The following TBXAS1 variants were observed in gnomAD, a reference collection of about 807,000 sequenced individuals.
TBXAS1 encodes the protein thromboxane-A synthase.
In TBXAS1, 48 loss-of-function variants were observed where a neutral mutation model predicts 60.7. The ratio of observed to expected loss-of-function variants is 0.79; its 90% CI spans 0.63 to 1.01. The LOEUF is 1.01. Among genes scored for constraint, TBXAS1 ranks in the 50% least tolerant of loss-of-function variants. TBXAS1 has a pLI of 0.00. For missense variants in TBXAS1, 685 were observed against 686.3 expected (o/e 1.00, Z 0.02); for synonymous variants, 287 against 269.7 (o/e 1.06, Z -0.63).
chr7:139,951,952 A>G (rs1809390510), intron 5 of TBXAS1, among the ~76,000 whole-genome samples: 1 of 66,188 alleles, frequency 1.5e-5, no homozygotes, highest in Non-Finnish European at 3.0e-5. Context: ...AAAGAAAGAA[A>G]AGAAAGAAAG....
chr7:139,895,517 A>G (rs745635139), intron 3 of TBXAS1, among the ~76,000 whole-genome samples: 13 of 152,198 alleles, frequency 8.5e-5, no homozygotes, highest in African/African-American at 1.2e-4. Flanking sequence ...CGGCCACTGG[A>G]TGTGGGCTTT....
intron 1 of TBXAS1, among the ~76,000 whole-genome samples, chr7:139,872,017 C>T (rs1170260100): frequency 6.6e-6 from 1 of 152,186 alleles, no homozygotes; most frequent in African/African-American, 2.4e-5. Flanking sequence ...TTTCAGGATT[C>T]GTTGATCTCC....
rs1161858701 is a variant in TBXAS1, at chr7:139,999,772, T to C, written c.1135-7319T>C. The stretch of plus-strand genomic sequence containing the variant: ...GCATCACTTGGCCTACTTCTTAGTA[T>C]AAGACCAAGTCTAGTGACAGCTGGG... On this transcript the variant is annotated intron_variant, in intron 9 of 12. Transcript: ENST00000448866. This position sits in a 1 kb window ranked among gnomAD's most constrained non-coding sequence, Gnocchi z 4.3. 2.6e-5 allele frequency among the ~76,000 whole-genome samples: 4 copies of C among 152,210 alleles called. No homozygotes were observed. The highest frequency in any genetic ancestry group is 9.6e-5 in the African/African-American group (4 of 41,452).
intron 4 of TBXAS1, among the ~76,000 whole-genome samples, chr7:139,917,837 AT>A (rs1189661010): frequency 6.6e-6 from 1 of 152,122 alleles, no homozygotes; most frequent in Non-Finnish European, 1.5e-5. Context: ...ATCTTTATAT[AT>A]TTTTTTAACA....
At chr7:139,809,012 T>A (rs920195807) in intron 4 of TBXAS1, among the ~76,000 whole-genome samples, 2 of 149,040 alleles carry the variant, frequency 1.3e-5, no homozygotes, top group Non-Finnish European at 3.0e-5. Context: ...GTTGATTGGG[T>A]AAACTCACCA....
intron 4 of TBXAS1, among the ~76,000 whole-genome samples, chr7:139,804,733 A>C (rs543750511): frequency 6.6e-6 from 1 of 152,140 alleles, no homozygotes; most frequent in Non-Finnish European, 1.5e-5. Context: ...GTTCCCCTAC[A>C]TATACTCACT....
chr7:139,810,993 T>C (rs537953285), intron 4 of TBXAS1, among the ~76,000 whole-genome samples: 15 of 152,322 alleles, frequency 9.8e-5, no homozygotes, highest in African/African-American at 3.6e-4. Context: ...GATTTTATTC[T>C]CTCCCTAAAG....
chr7:139,930,076 C>T (rs186422614), intron 4 of TBXAS1, among the ~76,000 whole-genome samples: 2 of 152,138 alleles, frequency 1.3e-5, no homozygotes, highest in Admixed American at 6.5e-5. Flanking sequence ...CCTCCAGCCG[C>T]GCCACATCCT....
Position 139,962,079 on chromosome 7 carries a change from C to T in TBXAS1, c.980C>T (p.Thr327Ile). The T allele has an allele frequency of 1.2e-6, 2 of 1,614,250 alleles. No individual in the cohort carries two copies. The highest frequency in any genetic ancestry group is 1.7e-6 in the Non-Finnish European group (2 of 1,180,028). Reference protein sequence around the residue: ...HQPSPMARPLTVDEIVGQAFI... With the variant: ...HQPSPMARPLIVDEIVGQAFI... ...CCCAGCCCTATGGCCAGGCCTTTGA[C>T]TGTGGATGAGATTGTGGGCCAGGCC... The change falls in exon 9 of 13, where the codon ACT becomes ATT. Residue 327 changes from threonine (T) to isoleucine (I), a missense_variant. Thr to Ile is a moderately conservative substitution (Grantham distance 89, BLOSUM62 -1). Transcript: ENST00000448866.
chr7:139,878,865 A>T (rs957250737), intron 3 of TBXAS1, among the ~76,000 whole-genome samples: 11 of 152,198 alleles, frequency 7.2e-5, no homozygotes, highest in African/African-American at 2.7e-4. Flanking sequence ...TCATTATTTG[A>T]CAAGTGAAAT....
rs1218261474 is a variant in TBXAS1 at position 139,905,045 on chromosome 7, TTCTTTCTTTCTTTC to T, written c.237-6176_237-6163del. On this transcript the variant is annotated intron_variant, in intron 3 of 12. Coordinates refer to ENST00000448866, the MANE Select transcript of TBXAS1 (RefSeq NM_001061.7). ...TTTCTTTCTTTCTTTCTTTCTTTCT[TTCTTTCTTTCTTTC>T]TCTCTCTCTCTCTCTCTTTCTCTTT... is the stretch of plus-strand genomic sequence containing the variant. 2.1e-4 allele frequency among the ~76,000 whole-genome samples: 19 copies of T among 88,438 alleles called. No homozygotes were observed. In the South Asian group the frequency reaches 2.9e-3, roughly 14 times the overall value. The allele number at this position is 88,438 out of a possible 152,430, so 58.0% of individuals were successfully genotyped here. A position where few individuals can be genotyped will look rare whatever the true frequency, so the allele number is the denominator to read the frequency against.
intron 3 of TBXAS1, among the ~76,000 whole-genome samples, chr7:139,878,483 CCTATAAAG>C (rs894532428): frequency 6.6e-5 from 10 of 152,120 alleles, no homozygotes; most frequent in Admixed American, 5.9e-4. Context: ...ATAATTTCTT[CCTATAAAG>C]CTATCAACTT....
At chr7:139,865,887 G>GAAGA (rs1801381788) in intron 1 of TBXAS1, among the ~76,000 whole-genome samples, 1 of 129,160 alleles carries the variant, frequency 7.7e-6, no homozygotes, top group Non-Finnish European at 1.6e-5. Flanking sequence ...GGGAGGGAAG[G>GAAGA]AGGAAGGAGG....
intron 4 of TBXAS1, among the ~76,000 whole-genome samples, chr7:139,807,300 GGGC>G (rs1797902226): frequency 6.6e-6 from 1 of 152,066 alleles, no homozygotes; most frequent in Non-Finnish European, 1.5e-5. Flanking sequence ...TTGAATTCCT[GGGC>G]TCAAGTGATC....
chr7:139,886,931 T>G (rs574916480), intron 3 of TBXAS1, among the ~76,000 whole-genome samples: 2 of 152,316 alleles, frequency 1.3e-5, no homozygotes, highest in South Asian at 4.1e-4. Context: ...GCAAGAAGCC[T>G]CAGCTCTTTG....
At chr7:139,996,701 CAG>C (rs1778665578) in intron 9 of TBXAS1, among the ~76,000 whole-genome samples, 1 of 152,224 alleles carries the variant, frequency 6.6e-6, no homozygotes, top group South Asian at 2.1e-4. Context: ...TCCTTTATGA[CAG>C]TGATTCTGAA....
chr7:139,806,899 T>G (rs1797892253), intron 4 of TBXAS1, among the ~76,000 whole-genome samples: 1 of 152,216 alleles, frequency 6.6e-6, no homozygotes, highest in Non-Finnish European at 1.5e-5. Context: ...TCAGCCCAGA[T>G]GTCTCCCAAA....
intron 4 of TBXAS1, among the ~76,000 whole-genome samples, chr7:139,815,545 G>A (rs1798124730): frequency 8.5e-5 from 13 of 152,190 alleles, no homozygotes; most frequent in Admixed American, 7.9e-4. Flanking sequence ...TCTCTATGAT[G>A]TAATTATGTG....
chr7:139,836,900 C>T (rs188665533), intron 1 of TBXAS1, among the ~76,000 whole-genome samples: 8 of 152,152 alleles, frequency 5.3e-5, no homozygotes, highest in African/African-American at 1.7e-4. Flanking sequence ...AAGAAATCTT[C>T]ACAATCTATA....
Sources: gnomAD v4.1 joint callset for allele counts (sites outside exome capture counted in the v4.1 genomes callset) on GRCh38, gnomAD v4.1.1 for gene constraint, Gnocchi (gnomAD v3.1) non-coding constraint, MANE v1.5 for transcripts, NCBI Gene and HGNC (gene_info 2026-07-23, HGNC 2026-07-21) for gene names.